Variants in TLE1 observed in about 807,000 individuals in gnomAD.
TLE1 encodes the protein transducin-like enhancer protein 1.
TLE1 carries 21 observed loss-of-function variants against 89.8 expected under a neutral mutation model. That is an observed-to-expected ratio of 0.23 (90% CI 0.17 to 0.34). TLE1 has a LOEUF of 0.34. Among genes scored for constraint, TLE1 ranks in the 10% least tolerant of loss-of-function variants. The probability of loss-of-function intolerance (pLI) is 1.00; values close to 1 mark genes in which losing one functional copy is unlikely to be tolerated. For synonymous variants in TLE1, 447 were observed against 407.6 expected (o/e 1.10, Z -1.16); for missense variants, 795 against 1,031.2 (o/e 0.77, Z 3.14).
intron 4 of TLE1, among the ~76,000 whole-genome samples, chr9:81,668,738 C>T (rs1831828612): frequency 6.6e-6 from 1 of 152,096 alleles, no homozygotes; most frequent in African/African-American, 2.4e-5. Flanking sequence ...TATGCTCAGT[C>T]ATGTCAATTT....
chr9:81,669,111 TG>T lies in TLE1; in HGVS notation c.235-15076del, dbSNP rs1039637347. 2.6e-4 allele frequency among the ~76,000 whole-genome samples: 39 copies of T among 152,236 alleles called. 1 individual carries two copies. The highest frequency in any genetic ancestry group is 7.0e-4 in the African/African-American group (29 of 41,466). On this transcript the variant is annotated intron_variant, in intron 4 of 19. Coordinates refer to ENST00000376499, the MANE Select transcript of TLE1 (RefSeq NM_005077.5). ...TGGCTCAATAATGCTGCACTCCTTC[TG>T]GAAGAACAGAAAAGACTTCCTGCCA... is the stretch of plus-strand genomic sequence containing the variant.
At chr9:81,592,979 T>C in intron 15 of TLE1, 46 bp downstream of exon 15, 1 of 1,584,978 alleles carries the variant, frequency 6.3e-7, no homozygotes, top group Non-Finnish European at 8.6e-7. Flanking sequence ...CCTTATTGAA[T>C]CTCCAGGGAG....
chr9:81,614,758 C>T (rs1037114105), intron 11 of TLE1, among the ~76,000 whole-genome samples: 3 of 152,032 alleles, frequency 2.0e-5, no homozygotes, highest in African/African-American at 4.8e-5. Context: ...TGCACCAGTT[C>T]CTGGCTTCCC....
At chr9:81,687,019 G>T (rs1298365874) in intron 2 of TLE1, among the ~76,000 whole-genome samples, 1 of 152,160 alleles carries the variant, frequency 6.6e-6, no homozygotes, top group Non-Finnish European at 1.5e-5. Flanking sequence ...CAATGTTTCA[G>T]CTCAGTCTGC....
At chr9:81,618,044 A>AC (rs10694566) in intron 9 of TLE1, among the ~76,000 whole-genome samples, 3 of 150,334 alleles carry the variant, frequency 2.0e-5, no homozygotes, top group South Asian at 4.2e-4. Flanking sequence ...AACAACAACA[A>AC]AAAATTCAAT....
At chr9:81,618,922 C>T (rs1824890286) in intron 9 of TLE1, among the ~76,000 whole-genome samples, 1 of 152,200 alleles carries the variant, frequency 6.6e-6, no homozygotes, top group Non-Finnish European at 1.5e-5. Context: ...TCTGAGGCCT[C>T]TGTTCCAGAT....
intron 17 of TLE1, 147 bp downstream of exon 17, chr9:81,587,534 T>C (rs1222197484): frequency 3.4e-6 from 4 of 1,159,976 alleles, no homozygotes; most frequent in African/African-American, 1.6e-5. Flanking sequence ...GTGGTGGTCA[T>C]TGTTTTTAAA....
intron 11 of TLE1, among the ~76,000 whole-genome samples, chr9:81,614,188 C>T (rs572527149): frequency 6.6e-6 from 1 of 151,946 alleles, no homozygotes; most frequent in Admixed American, 6.6e-5. Flanking sequence ...GATTACAGGC[C>T]TGAGCCACCG....
rs201045494 is a variant in TLE1, at chr9:81,620,539, G to C, written c.613C>G (p.Pro205Ala). The change falls in exon 9 of 20, where the codon CCA (proline) becomes GCA (alanine). Residue 205 changes from proline (P) to alanine (A), a missense_variant. By Grantham distance (27) the Pro-to-Ala change is conservative (BLOSUM62 -1). Transcript: ENST00000376499. ...TTATCTGTGCCTCTTAGACTGTCTG[G>C]GACCAGGAGGGAATTACTCTGCAAG... is the stretch of plus-strand genomic sequence containing the variant. ...EPGTSNSLLV[P>A]DSLRGTDKRR... The C allele has an allele frequency of 1.9e-6, 3 of 1,611,084 alleles. No homozygotes were observed. The highest frequency in any genetic ancestry group is 1.3e-5 in the African/African-American group (1 of 74,810).
chr9:81,653,493 T>G (rs754956435), intron 5 of TLE1, among the ~76,000 whole-genome samples: 19 of 152,332 alleles, frequency 1.2e-4, no homozygotes, highest in African/African-American at 4.3e-4. Flanking sequence ...TACATACATA[T>G]GACTCATTAA....
intron 4 of TLE1, among the ~76,000 whole-genome samples, chr9:81,666,976 C>T (rs763479608): frequency 4.6e-5 from 7 of 151,808 alleles, no homozygotes; most frequent in African/African-American, 7.3e-5. Flanking sequence ...AAAAATTAGC[C>T]GGGTGTGGTG....
intron 6 of TLE1, among the ~76,000 whole-genome samples, chr9:81,648,672 A>G (rs987473293): frequency 1.3e-5 from 2 of 152,238 alleles, no homozygotes; most frequent in Non-Finnish European, 1.5e-5. Flanking sequence ...AACTCCCCAA[A>G]TAATAAAGTG....
intron 4 of TLE1, among the ~76,000 whole-genome samples, chr9:81,679,146 G>A (rs1372613914): frequency 2.0e-5 from 3 of 151,820 alleles, no homozygotes; most frequent in African/African-American, 7.3e-5. Flanking sequence ...AGACTCTATC[G>A]CCATTAAAAA....
chr9:81,598,115 T>TA (rs932932251), intron 14 of TLE1, among the ~76,000 whole-genome samples: 1 of 152,156 alleles, frequency 6.6e-6, no homozygotes, highest in Non-Finnish European at 1.5e-5. Context: ...TTAGCTATAT[T>TA]AACAAGGATC....
rs1158708824 is a variant in TLE1 at position 81,590,813 on chromosome 9, T to C, written c.1821A>G (p.Thr607=). ...CGACCATCTTTGCTCACCTCACTAG[T>C]GTCTGGTTGTGCAGATCCCACACAG... is the stretch of plus-strand genomic sequence containing the variant. ...NIAVWDLHNQ[T]LVRQFQGHTD... is the part of the protein sequence containing the mutation. Residue 607 remains threonine (T), a synonymous_variant, in exon 16 of 20, where the codon ACA becomes ACG. Coordinates refer to ENST00000376499, the MANE Select transcript of TLE1 (RefSeq NM_005077.5). 2.1e-5 allele frequency: 34 copies of C among 1,613,816 alleles called. 1 individual carries two copies. The highest frequency in any genetic ancestry group is 8.0e-5 in the African/African-American group (6 of 74,938).
intron 16 of TLE1, among the ~76,000 whole-genome samples, chr9:81,589,112 C>G (rs966364020): frequency 6.6e-6 from 1 of 152,190 alleles, no homozygotes; most frequent in Non-Finnish European, 1.5e-5. Context: ...CAGACATCCC[C>G]ACAGAACACC....
chr9:81,670,714 G>GA (rs59394276), intron 4 of TLE1, among the ~76,000 whole-genome samples: 121,968 of 144,478 alleles, frequency 0.84, 51,474 homozygotes, highest in African/African-American at 0.91. Flanking sequence ...AAGCTAATCA[G>GA]AAAAAAAAAA....
intron 11 of TLE1, 75 bp from the exon 12 acceptor site, chr9:81,613,596 C>G: frequency 6.5e-7 from 1 of 1,535,434 alleles, no homozygotes; most frequent in Non-Finnish European, 8.9e-7. Context: ...ACAACAGCAG[C>G]TGGGACACTG....
intron 8 of TLE1, among the ~76,000 whole-genome samples, chr9:81,628,887 A>G (rs1826225880): frequency 6.6e-6 from 1 of 152,138 alleles, no homozygotes; most frequent in South Asian, 2.1e-4. Context: ...TGAGAATTTG[A>G]TGAGTTATAG....
Sources: gnomAD v4.1 joint callset for allele counts (sites outside exome capture counted in the v4.1 genomes callset) on GRCh38, gnomAD v4.1.1 for gene constraint, MANE v1.5 for transcripts, NCBI Gene and HGNC (gene_info 2026-07-23, HGNC 2026-07-21) for gene names.